KSR2: variants seen among roughly 807,000 people sequenced by gnomAD.
KSR2 encodes the protein kinase suppressor of ras 2.
KSR2 carries 25 observed loss-of-function variants against 107.8 expected under a neutral mutation model. The ratio of observed to expected loss-of-function variants is 0.23; its 90% CI spans 0.17 to 0.32. The LOEUF is 0.32. Ranked by LOEUF, KSR2 falls within the 10% of genes least tolerant of loss-of-function variation. The pLI is 1.00. For missense variants in KSR2, 887 were observed against 1,268.9 expected (o/e 0.70, Z 4.57); for synonymous variants, 480 against 507.0 (o/e 0.95, Z 0.71).
At chr12:117,573,384 A>G (rs1879031433) in intron 7 of KSR2, among the ~76,000 whole-genome samples, 1 of 152,138 alleles carries the variant, frequency 6.6e-6, no homozygotes, top group Admixed American at 6.5e-5. Flanking sequence ...GTCATTAAGC[A>G]ATCTAGTAAG....
intron 1 of KSR2, among the ~76,000 whole-genome samples, chr12:117,892,027 G>A (rs11068717): frequency 0.36 from 54,463 of 151,386 alleles, 11,504 homozygotes; most frequent in East Asian, 0.87. Context: ...GGCCCAGTGC[G>A]GTGGCTGACG....
intron 4 of KSR2, among the ~76,000 whole-genome samples, chr12:117,740,916 C>G (rs1407361347): frequency 6.6e-6 from 1 of 152,084 alleles, no homozygotes; most frequent in East Asian, 1.9e-4. Flanking sequence ...TGTCTGAGGC[C>G]CTCACGGCAG....
intron 4 of KSR2, among the ~76,000 whole-genome samples, chr12:117,699,828 T>C (rs1460728732): frequency 1.3e-5 from 2 of 152,152 alleles, no homozygotes; most frequent in Non-Finnish European, 2.9e-5. Context: ...TTACAATGGC[T>C]ATGACGTCAC....
intron 4 of KSR2, among the ~76,000 whole-genome samples, chr12:117,756,889 T>C (rs549653703): frequency 6.6e-6 from 1 of 152,100 alleles, no homozygotes; most frequent in South Asian, 2.1e-4. Context: ...ACTCCATCTC[T>C]CCTAAAAATA....
rs868118149 is a variant in KSR2 at position 117,903,784 on chromosome 12, G to A, written c.181-43353C>T. Among the ~76,000 whole-genome samples, 39 of 152,318 alleles carry A rather than the reference G, an allele frequency of 2.6e-4. No homozygotes were observed. In the Middle Eastern group the frequency reaches 0.01, roughly 40 times the overall value. Reference sequence around the variant, plus strand: ...ACTTTGGGAGACTGAAGCACAAAGAGTGCTTGAGACCAGGAGTTTGAGGCC... The same window carrying A: ...ACTTTGGGAGACTGAAGCACAAAGAATGCTTGAGACCAGGAGTTTGAGGCC... On this transcript the variant is annotated intron_variant, in intron 1 of 19. Transcript: ENST00000339824.
intron 5 of KSR2, among the ~76,000 whole-genome samples, chr12:117,604,281 G>A (rs944056016): frequency 2.6e-5 from 4 of 152,162 alleles, no homozygotes; most frequent in African/African-American, 9.7e-5. Context: ...GCTTTTGACT[G>A]GAGGCTACAC....
intron 4 of KSR2, among the ~76,000 whole-genome samples, chr12:117,671,945 T>A (rs1222022941): frequency 6.6e-6 from 1 of 152,206 alleles, no homozygotes; most frequent in Non-Finnish European, 1.5e-5. Flanking sequence ...ACAAGCAGGT[T>A]AAAAGCCCCA....
intron 5 of KSR2, among the ~76,000 whole-genome samples, chr12:117,597,054 G>A (rs566171217): frequency 8.6e-5 from 13 of 151,718 alleles, no homozygotes; most frequent in South Asian, 2.1e-4. Context: ...TCTTTCCTAC[G>A]TATCTCCCGT....
At chr12:117,653,490 C>A (rs992950569) in intron 5 of KSR2, among the ~76,000 whole-genome samples, 6 of 152,224 alleles carry the variant, frequency 3.9e-5, no homozygotes, top group African/African-American at 7.2e-5. Context: ...TGCAAGATAT[C>A]ACACTGGTCC....
intron 14 of KSR2, among the ~76,000 whole-genome samples, chr12:117,497,390 C>T (rs1442316431): frequency 6.6e-6 from 1 of 152,090 alleles, no homozygotes; most frequent in Admixed American, 6.5e-5. Context: ...GCAGCAGGGG[C>T]CCCCTTCCCA....
intron 14 of KSR2, among the ~76,000 whole-genome samples, chr12:117,502,898 C>G (rs761602475): frequency 1.3e-5 from 2 of 152,104 alleles, no homozygotes; most frequent in African/African-American, 2.4e-5. Flanking sequence ...GTTCTTTGCT[C>G]TCGAAGCTTT....
intron 3 of KSR2, among the ~76,000 whole-genome samples, chr12:117,775,279 A>C (rs1477665545): frequency 6.6e-6 from 1 of 152,196 alleles, no homozygotes; most frequent in Non-Finnish European, 1.5e-5. Flanking sequence ...ACCCAGCAAC[A>C]TATAAAGGTT....
chr12:117,769,862 T>C (rs1889373570), intron 3 of KSR2, among the ~76,000 whole-genome samples: 1 of 152,074 alleles, frequency 6.6e-6, no homozygotes, highest in Admixed American at 6.6e-5. Context: ...AAGACCAGAC[T>C]GGCCAACATG....
intron 1 of KSR2, among the ~76,000 whole-genome samples, chr12:117,928,331 C>A (rs529689537): frequency 3.9e-5 from 6 of 151,946 alleles, no homozygotes. Context: ...TACAGGCATG[C>A]GCCACCATAC....
intron 16 of KSR2, among the ~76,000 whole-genome samples, chr12:117,483,346 C>T (rs926324192): frequency 2.6e-5 from 4 of 151,380 alleles, no homozygotes; most frequent in East Asian, 1.9e-4. Flanking sequence ...TCACTTTGTC[C>T]GGGTTCCTGG....
intron 14 of KSR2, among the ~76,000 whole-genome samples, chr12:117,520,786 C>A (rs189606153): frequency 1.7e-4 from 26 of 152,300 alleles, no homozygotes; most frequent in African/African-American, 6.0e-4. Flanking sequence ...AATCAGGACT[C>A]CTCACCAGGG....
At chr12:117,531,825 A>G in intron 10 of KSR2, 118 bp from the exon 11 acceptor site, 2 of 669,726 alleles carry the variant, frequency 3.0e-6, no homozygotes, top group Non-Finnish European at 5.0e-6. Flanking sequence ...AAGAGTTTCC[A>G]TACTTCTGCA....
At chr12:117,825,434 C>T (rs192985709) in intron 3 of KSR2, among the ~76,000 whole-genome samples, 1 of 152,150 alleles carries the variant, frequency 6.6e-6, no homozygotes, top group Non-Finnish European at 1.5e-5. Flanking sequence ...CCATGGAGAA[C>T]TCTGGTTAGT....
intron 14 of KSR2, among the ~76,000 whole-genome samples, chr12:117,498,400 G>C (rs1873172270): frequency 6.6e-6 from 1 of 152,154 alleles, no homozygotes; most frequent in Admixed American, 6.5e-5. Flanking sequence ...GACAAGCAAA[G>C]CAGGCTGCAG....
Sources: allele counts gnomAD v4.1 joint callset (sites outside exome capture counted in the v4.1 genomes callset), GRCh38; gene constraint gnomAD v4.1.1; transcripts MANE v1.5; gene names NCBI Gene and HGNC (gene_info 2026-07-23, HGNC 2026-07-21).